SLC39A11: variants seen among roughly 807,000 people sequenced by gnomAD.
The protein encoded by SLC39A11 is solute carrier family 39 member 11, also known as zinc transporter ZIP11.
A neutral mutation model predicts 36.1 loss-of-function variants in SLC39A11; 33 were observed. The observed-to-expected ratio is 0.91, with a 90% confidence interval of 0.69 to 1.22. The LOEUF is 1.22. Ranked by LOEUF, SLC39A11 falls within the 50% of genes most tolerant of loss-of-function variation. SLC39A11 has a pLI of 0.00. For missense variants in SLC39A11, 432 were observed against 430.3 expected (o/e 1.00, Z -0.03); for synonymous variants, 166 against 170.3 (o/e 0.97, Z 0.20).
At chr17:72,797,481 G>T (rs559937385) in intron 6 of SLC39A11, among the ~76,000 whole-genome samples, 1 of 152,072 alleles carries the variant, frequency 6.6e-6, no homozygotes, top group African/African-American at 2.4e-5. Context: ...TTAGATGAGG[G>T]CTAATTTAAA....
rs538053156 is a variant in SLC39A11 at position 72,856,834 on chromosome 17, C to T, written c.431-7030G>A. ...TAGCTGGGACTACAGACATGCACCA[C>T]CCCACCCGGCTAATTTTTGTATTTT... On this transcript the variant is annotated intron_variant, in intron 5 of 9. Coordinates refer to ENST00000255559, the MANE Select transcript of SLC39A11 (RefSeq NM_139177.4). 1.1e-4 allele frequency among the ~76,000 whole-genome samples: 17 copies of T among 152,246 alleles called. No individual in the cohort carries two copies. The South Asian group carries it at 1.9e-3, about 17-fold the overall frequency.
At position 72,988,696 on chromosome 17, in the gene SLC39A11, C is replaced by T. The variant is rs142470501; in HGVS notation, c.307-40821G>A. On this transcript the variant is annotated intron_variant, in intron 4 of 9. Coordinates refer to ENST00000255559, the MANE Select transcript of SLC39A11 (RefSeq NM_139177.4). ...CTGTTTCTATGAATTGTGTTACTTA[C>T]TTATTTATTTATTTATTTATTTTTA... 2.6e-3 allele frequency among the ~76,000 whole-genome samples: 392 copies of T among 151,920 alleles called. 1 individual carries two copies. The highest frequency in any genetic ancestry group is 8.5e-3 in the African/African-American group (351 of 41,452).
At chr17:72,661,864 C>T (rs1598262911) in intron 7 of SLC39A11, among the ~76,000 whole-genome samples, 1 of 152,108 alleles carries the variant, frequency 6.6e-6, no homozygotes, top group Non-Finnish European at 1.5e-5. Flanking sequence ...GGAAGTCAGC[C>T]GGAAGGCAGG....
chr17:72,664,570 G>C (rs1487712268), intron 7 of SLC39A11, among the ~76,000 whole-genome samples: 1 of 152,166 alleles, frequency 6.6e-6, no homozygotes, highest in Non-Finnish European at 1.5e-5. Flanking sequence ...CCTCCATCAT[G>C]TCCTTCCTGG....
intron 5 of SLC39A11, among the ~76,000 whole-genome samples, chr17:72,883,574 G>A (rs751784413): frequency 1.8e-4 from 27 of 151,238 alleles, no homozygotes; most frequent in African/African-American, 3.7e-4. Flanking sequence ...CTGTTCTCCC[G>A]GTGGATTGTG....
Position 72,943,872 on chromosome 17 carries a change from A to T in SLC39A11, c.430+3880T>A, listed in dbSNP as rs145637500. 1.0e-3 allele frequency among the ~76,000 whole-genome samples: 158 copies of T among 152,280 alleles called. 3 individuals carry two copies. In the East Asian group the frequency reaches 0.023, roughly 22 times the overall value. ...GTGAGCTGCTTTTCAGTTGCCATGG[A>T]CCCTCAGGTCATGTAACCTAAGCAT... On this transcript the variant is annotated intron_variant, in intron 5 of 9. Transcript: ENST00000255559.
intron 7 of SLC39A11, among the ~76,000 whole-genome samples, chr17:72,659,196 T>G (rs1452011393): frequency 6.6e-6 from 1 of 152,164 alleles, no homozygotes. Flanking sequence ...AAGGAACTTA[T>G]AATCTGATAC....
chr17:72,754,858 T>G (rs1035172605), intron 6 of SLC39A11, among the ~76,000 whole-genome samples: 2 of 152,208 alleles, frequency 1.3e-5, no homozygotes, highest in Non-Finnish European at 2.9e-5. Flanking sequence ...CATGCAAGCA[T>G]GCCCGTGTGA....
intron 4 of SLC39A11, among the ~76,000 whole-genome samples, chr17:73,001,702 G>A (rs1026615238): frequency 1.3e-5 from 2 of 152,138 alleles, no homozygotes; most frequent in Admixed American, 6.6e-5. Context: ...GCCATGGAAT[G>A]AGTTCAAGCC....
At chr17:72,778,885 T>C (rs1476550611) in intron 6 of SLC39A11, among the ~76,000 whole-genome samples, 2 of 152,226 alleles carry the variant, frequency 1.3e-5, no homozygotes, top group Non-Finnish European at 2.9e-5. Flanking sequence ...ATAAACAGTA[T>C]TCTGGACTGT....
intron 7 of SLC39A11, among the ~76,000 whole-genome samples, chr17:72,696,950 G>A (rs1018353701): frequency 4.6e-5 from 7 of 152,170 alleles, no homozygotes; most frequent in African/African-American, 1.2e-4. Flanking sequence ...CCTGGCCCGA[G>A]ACTGCTGATT....
intron 7 of SLC39A11, among the ~76,000 whole-genome samples, chr17:72,730,816 T>C (rs551749908): frequency 6.6e-6 from 1 of 152,266 alleles, no homozygotes; most frequent in East Asian, 1.9e-4. Context: ...CACACCATGA[T>C]GCCTAGATGA....
chr17:72,778,062 G>A (rs971219908), intron 6 of SLC39A11, among the ~76,000 whole-genome samples: 2 of 152,044 alleles, frequency 1.3e-5, no homozygotes, highest in Admixed American at 1.3e-4. Context: ...CTGCCACCAA[G>A]CCTGGTTAAT....
intron 3 of SLC39A11, among the ~76,000 whole-genome samples, chr17:73,065,393 A>C (rs891300227): frequency 6.6e-6 from 1 of 152,222 alleles, no homozygotes; most frequent in South Asian, 2.1e-4. Flanking sequence ...CAACAGAGCG[A>C]GACTCCAGCT....
intron 4 of SLC39A11, among the ~76,000 whole-genome samples, chr17:73,011,507 C>G (rs112270070): frequency 6.6e-6 from 1 of 151,986 alleles, no homozygotes; most frequent in African/African-American, 2.4e-5. Flanking sequence ...AGCGGGGAGA[C>G]GAAGGTACCC....
intron 6 of SLC39A11, among the ~76,000 whole-genome samples, chr17:72,827,783 A>G (rs1285979663): frequency 6.6e-6 from 1 of 152,250 alleles, no homozygotes; most frequent in African/African-American, 2.4e-5. Flanking sequence ...TGGGGAAGTT[A>G]GCATAAGACT....
chr17:72,743,753 A>G (rs1334421207), intron 6 of SLC39A11, among the ~76,000 whole-genome samples: 1 of 152,114 alleles, frequency 6.6e-6, no homozygotes, highest in Non-Finnish European at 1.5e-5. Context: ...CACTGGGGGG[A>G]AAAGGAAAGG....
At chr17:72,887,420 G>A (rs1049385380) in intron 5 of SLC39A11, among the ~76,000 whole-genome samples, 1 of 152,178 alleles carries the variant, frequency 6.6e-6, no homozygotes, top group Non-Finnish European at 1.5e-5. Flanking sequence ...CACTTCTCCC[G>A]AGGGCTCTGC....
intron 5 of SLC39A11, among the ~76,000 whole-genome samples, chr17:72,852,132 G>A (rs556462366): frequency 7.1e-6 from 1 of 141,692 alleles, no homozygotes; most frequent in South Asian, 2.3e-4. Context: ...TTGAACCCAG[G>A]AGGCGGAGCT....
Sources: gnomAD v4.1 joint callset for allele counts (sites outside exome capture counted in the v4.1 genomes callset) on GRCh38, gnomAD v4.1.1 for gene constraint, MANE v1.5 for transcripts, NCBI Gene and HGNC (gene_info 2026-07-23, HGNC 2026-07-21) for gene names.